Variants in SDK2 observed in about 807,000 individuals in gnomAD.
SDK2 encodes sidekick cell adhesion molecule 2, also known as protein sidekick-2.
Under a neutral mutation model 253.9 loss-of-function variants are expected in SDK2, and 105 were observed. That is an observed-to-expected ratio of 0.41 (90% CI 0.35 to 0.49). The LOEUF is 0.49. Among genes scored for constraint, SDK2 ranks in the 20% least tolerant of loss-of-function variants. The probability of loss-of-function intolerance (pLI) is 0.06; values close to 1 mark genes in which losing one functional copy is unlikely to be tolerated. For missense variants in SDK2, 2,608 were observed against 3,003.0 expected, an observed-to-expected ratio of 0.87 and a Z score of 3.07; for synonymous variants, 1,249 against 1,234.9, an observed-to-expected ratio of 1.01 and a Z score of -0.24.
intron 44 of SDK2, among the ~76,000 whole-genome samples, chr17:73,339,777 G>C (rs913749067): frequency 2.0e-5 from 3 of 152,092 alleles, no homozygotes; most frequent in Admixed American, 6.6e-5. Context: ...GGCTGGTCTA[G>C]AACTCCTGGA....
intron 1 of SDK2, among the ~76,000 whole-genome samples, chr17:73,626,299 G>A (rs771600305): frequency 7.2e-5 from 11 of 151,858 alleles, no homozygotes; most frequent in Non-Finnish European, 1.2e-4. Flanking sequence ...GGCTCGGGAG[G>A]GGGAGGACAG....
At chr17:73,485,457 C>T (rs1335410412) in intron 2 of SDK2, among the ~76,000 whole-genome samples, 6 of 152,154 alleles carry the variant, frequency 3.9e-5, no homozygotes, top group African/African-American at 1.2e-4. Flanking sequence ...GGCTGGACTT[C>T]ATGGCTGGGC....
chr17:73,427,346 C>A (rs1420666866), intron 12 of SDK2, among the ~76,000 whole-genome samples: 3 of 152,278 alleles, frequency 2.0e-5, no homozygotes, highest in South Asian at 4.1e-4. Flanking sequence ...TGGCCTGCTG[C>A]CTGTCTGTGT....
At chr17:73,617,636 T>C (rs945580074) in intron 1 of SDK2, among the ~76,000 whole-genome samples, 1 of 152,160 alleles carries the variant, frequency 6.6e-6, no homozygotes, top group Non-Finnish European at 1.5e-5. Context: ...CTGAGTGATT[T>C]ACCAACCCCC....
intron 2 of SDK2, among the ~76,000 whole-genome samples, chr17:73,504,060 C>T (rs1275486061): frequency 6.6e-6 from 1 of 152,014 alleles, no homozygotes; most frequent in Non-Finnish European, 1.5e-5. Context: ...GTTCTGGAAG[C>T]TCTGACTTCG....
At chr17:73,405,718 T>C (rs968771361) in intron 18 of SDK2, among the ~76,000 whole-genome samples, 21 of 148,440 alleles carry the variant, frequency 1.4e-4, no homozygotes, top group African/African-American at 5.2e-4. Context: ...CCTCCTCTTA[T>C]ATATCTTTTT....
chr17:73,369,548 G>A (rs1009533652), intron 36 of SDK2, among the ~76,000 whole-genome samples: 3 of 152,258 alleles, frequency 2.0e-5, no homozygotes, highest in African/African-American at 7.2e-5. Context: ...GTCCGTGTGA[G>A]GGGTGCAGGT....
At chr17:73,628,956 T>C (rs1487970699) in intron 1 of SDK2, among the ~76,000 whole-genome samples, 3 of 152,262 alleles carry the variant, frequency 2.0e-5, no homozygotes, top group East Asian at 1.9e-4. Context: ...AGCCAGATCA[T>C]GGGTCCAGCT....
chr17:73,578,238 T>C (rs1429889726), intron 1 of SDK2, among the ~76,000 whole-genome samples: 2 of 152,058 alleles, frequency 1.3e-5, no homozygotes, highest in Non-Finnish European at 2.9e-5. Context: ...GTTTTGTGTG[T>C]ATTTTTAGTA....
rs544458675 is a variant in SDK2, at chr17:73,641,966, T to C, written c.64+2059A>G. 3.9e-5 allele frequency among the ~76,000 whole-genome samples: 6 copies of C among 152,014 alleles called. No homozygotes were observed. In the South Asian group the frequency reaches 1.0e-3, roughly 26 times the overall value. On this transcript the variant is annotated intron_variant, in intron 1 of 44. Coordinates refer to ENST00000392650, the MANE Select transcript of SDK2 (RefSeq NM_001144952.2). ...GAGAGGGCTCGATGCTGGAAAACAC[T>C]CTCGGAGCCAGAGAACACGAGCGGA... is the stretch of plus-strand genomic sequence containing the variant.
chr17:73,363,769 C>A (rs955141715), intron 38 of SDK2, among the ~76,000 whole-genome samples: 1 of 152,118 alleles, frequency 6.6e-6, no homozygotes, highest in Admixed American at 6.5e-5. Flanking sequence ...GGGTCCTGGA[C>A]AGGCCAGGTT....
intron 21 of SDK2, 101 bp downstream of exon 21, chr17:73,400,919 A>C: frequency 8.6e-7 from 1 of 1,166,148 alleles, no homozygotes; most frequent in Non-Finnish European, 1.2e-6. Context: ...AGGTGCTGGG[A>C]CTACAGGCAT....
intron 2 of SDK2, among the ~76,000 whole-genome samples, chr17:73,489,143 A>G (rs1310508023): frequency 6.6e-6 from 1 of 152,214 alleles, no homozygotes; most frequent in African/African-American, 2.4e-5. Flanking sequence ...CTGTGGTATC[A>G]GCAGCTGCTT....
chr17:73,414,231 G>T lies in SDK2; in HGVS notation c.2484+413C>A, dbSNP rs193224425. Among the ~76,000 whole-genome samples the T allele has an allele frequency of 2.0e-5, 3 of 152,018 alleles. No homozygotes were observed. In the East Asian group the frequency reaches 5.8e-4, roughly 29 times the overall value. On this transcript the variant is annotated intron_variant, in intron 18 of 44. Coordinates refer to ENST00000392650, the MANE Select transcript of SDK2 (RefSeq NM_001144952.2). ...AGCCCAGCTAATTTTTGTATTTTTA[G>T]TAGAGACGGAGTTTCACCATGTTGG... is the stretch of plus-strand genomic sequence containing the variant.
intron 36 of SDK2, among the ~76,000 whole-genome samples, chr17:73,370,551 CATTTTATTTT>C (rs112485065): frequency 1.3e-4 from 19 of 150,956 alleles, no homozygotes; most frequent in African/African-American, 4.2e-4. Flanking sequence ...CCCTCTCTCC[CATTTTATTTT>C]ATTTTATTTT....
chr17:73,361,244 C>T lies in SDK2; in HGVS notation c.5467+440G>A. On this transcript the variant is annotated intron_variant, in intron 39 of 44. Coordinates refer to ENST00000392650, the MANE Select transcript of SDK2 (RefSeq NM_001144952.2). This position sits in a 1 kb window ranked among gnomAD's most constrained non-coding sequence, Gnocchi z 4.1. The stretch of plus-strand genomic sequence containing the variant: ...CCTGGGAACGTGCATTTTAGTGCGC[C>T]CTGCTCTGAGAACCGCTGCCTGGAG... 6.6e-6 allele frequency among the ~76,000 whole-genome samples: 1 copy of T among 152,154 alleles called. No homozygotes were observed. Among genetic ancestry groups the T allele is most frequent in the African/African-American group, 2.4e-5 (1 of 41,418 alleles).
chr17:73,342,097 C>A (rs1161804621), intron 44 of SDK2, among the ~76,000 whole-genome samples: 1 of 151,602 alleles, frequency 6.6e-6, no homozygotes, highest in Non-Finnish European at 1.5e-5. Flanking sequence ...AAACCCCCCA[C>A]CCCGACTCCC....
Position 73,639,724 on chromosome 17 carries a change from G to A in SDK2, c.64+4301C>T, listed in dbSNP as rs1567888488. Among the ~76,000 whole-genome samples, 1 of 152,138 alleles carries A rather than the reference G, an allele frequency of 6.6e-6. No individual in the cohort carries two copies. Among genetic ancestry groups the A allele is most frequent in the Non-Finnish European group, 1.5e-5 (1 of 68,020 alleles). ...GGGGCTGGGAGTCCGTAGGGACAGG[G>A]AGAGGGTTCCAGCCAATCAGAGGAC... On this transcript the variant is annotated intron_variant, in intron 1 of 44. Transcript: ENST00000392650. The surrounding 1 kb of genome is among the most constrained non-coding windows in gnomAD (Gnocchi z 4.3).
intron 32 of SDK2, among the ~76,000 whole-genome samples, chr17:73,384,341 G>A (rs545524586): frequency 2.0e-5 from 3 of 152,242 alleles, no homozygotes; most frequent in East Asian, 3.9e-4. Context: ...TCCTAGAGCC[G>A]CTCCTTGTTC....
Sources: gnomAD v4.1 joint callset for allele counts (sites outside exome capture counted in the v4.1 genomes callset) on GRCh38, gnomAD v4.1.1 for gene constraint, Gnocchi (gnomAD v3.1) non-coding constraint, MANE v1.5 for transcripts, NCBI Gene and HGNC (gene_info 2026-07-23, HGNC 2026-07-21) for gene names.